The following KHDRBS2 variants were observed in gnomAD, a reference collection of about 807,000 sequenced individuals.
KHDRBS2 encodes the protein KH domain-containing, RNA-binding, signal transduction-associated protein 2.
In KHDRBS2, 26 loss-of-function variants were observed where a neutral mutation model predicts 44.3. That is an observed-to-expected ratio of 0.59 (90% CI 0.43 to 0.81). The LOEUF (loss-of-function observed/expected upper bound fraction) is 0.81. KHDRBS2 is among the 40% of genes least tolerant of loss of function. The probability of loss-of-function intolerance (pLI) is 0.00; values close to 1 mark genes in which losing one functional copy is unlikely to be tolerated. For missense variants in KHDRBS2, 476 were observed against 433.1 expected, an observed-to-expected ratio of 1.10 and a Z score of -0.88; for synonymous variants, 194 against 151.1, an observed-to-expected ratio of 1.28 and a Z score of -2.08.
In KHDRBS2 at chr6:62,066,516, G is replaced by C. The variant is rs1289068366; in HGVS notation, c.220-18522C>G. 4.0e-5 allele frequency among the ~76,000 whole-genome samples: 6 copies of C among 151,716 alleles called. No individual in the cohort carries two copies. In the East Asian group the frequency reaches 1.2e-3, roughly 30 times the overall value. On this transcript the variant is annotated intron_variant, in intron 2 of 8. Transcript: ENST00000281156. ...CATTATTGCATGAGATGAAATATTG[G>C]CTTTCTAAGTAAATGTTTTGTTTAA...
intron 6 of KHDRBS2, among the ~76,000 whole-genome samples, chr6:61,775,905 A>C (rs535623544): frequency 7.9e-5 from 12 of 152,254 alleles, no homozygotes; most frequent in Non-Finnish European, 1.8e-4. Context: ...ACAAGGCCAC[A>C]GTAACCAAAA....
chr6:62,184,924 T>C (rs528957407), intron 1 of KHDRBS2, among the ~76,000 whole-genome samples: 1 of 152,026 alleles, frequency 6.6e-6, no homozygotes, highest in South Asian at 2.1e-4. Flanking sequence ...ATAATATTAA[T>C]CCAACAGTCC....
chr6:61,865,738 T>C (rs1797687028), intron 6 of KHDRBS2, among the ~76,000 whole-genome samples: 1 of 152,156 alleles, frequency 6.6e-6, no homozygotes. Flanking sequence ...GTCCAAAGTC[T>C]CATCTGAGAC....
rs376408090 is a variant in KHDRBS2 at position 61,869,981 on chromosome 6, T to TG, written c.810+24653_810+24654insC. Among the ~76,000 whole-genome samples, 239 of 147,236 alleles carry TG rather than the reference T, an allele frequency of 1.6e-3. 2 individuals carry two copies. Among genetic ancestry groups the TG allele is most frequent in the East Asian group, 7.5e-3 (37 of 4,966 alleles). ...GCAGGAGTGTTTTTTTTTTTTTTTT[T>TG]TTTTTTCCCCATACTACAGTGGTGC... On this transcript the variant is annotated intron_variant, in intron 6 of 8. Coordinates refer to ENST00000281156, the MANE Select transcript of KHDRBS2 (RefSeq NM_152688.4).
At chr6:61,604,155 C>T in the KHDRBS2 span, among the ~76,000 whole-genome samples, 2 of 152,168 alleles carry the variant, frequency 1.3e-5, no homozygotes, top group Non-Finnish European at 2.9e-5. Context: ...CACAGCCATG[C>T]TGTTATAGGG....
At chr6:61,956,676 T>C (rs1767401978) in intron 4 of KHDRBS2, among the ~76,000 whole-genome samples, 1 of 152,104 alleles carries the variant, frequency 6.6e-6, no homozygotes, top group Non-Finnish European at 1.5e-5. Context: ...CTCCATTCTC[T>C]GCACACCCCT....
intron 4 of KHDRBS2, among the ~76,000 whole-genome samples, chr6:61,968,380 C>T (rs1770586729): frequency 6.6e-6 from 1 of 151,946 alleles, no homozygotes; most frequent in African/African-American, 2.4e-5. Flanking sequence ...ATACTCCTTG[C>T]CTATGTTTAA....
chr6:62,175,712 T>C (rs765159260), intron 2 of KHDRBS2, among the ~76,000 whole-genome samples: 10 of 151,680 alleles, frequency 6.6e-5, no homozygotes, highest in Non-Finnish European at 1.0e-4. Flanking sequence ...CATTTTCTTA[T>C]ACATTACAAA....
chr6:62,247,313 C>T (rs176607), intron 1 of KHDRBS2, among the ~76,000 whole-genome samples: 151,768 of 151,768 alleles, frequency 1, 75,884 homozygotes, highest in Non-Finnish European at 1. Flanking sequence ...CTTTTTGGTG[C>T]TAGGTTGATG....
chr6:61,550,805 G>T, the KHDRBS2 span, among the ~76,000 whole-genome samples: 1,221 of 90,394 alleles, frequency 0.014, 23 homozygotes, highest in African/African-American at 0.05. Context: ...ATGGAGTTTT[G>T]CTCTGTCACT....
intron 7 of KHDRBS2, among the ~76,000 whole-genome samples, chr6:61,729,963 A>T (rs1249860138): frequency 6.6e-6 from 1 of 152,178 alleles, no homozygotes; most frequent in Non-Finnish European, 1.5e-5. Flanking sequence ...AATACAATTG[A>T]TTAAAAAATA....
At chr6:61,722,957 C>T (rs1772924551) in intron 7 of KHDRBS2, among the ~76,000 whole-genome samples, 1 of 152,074 alleles carries the variant, frequency 6.6e-6, no homozygotes, top group Non-Finnish European at 1.5e-5. Flanking sequence ...GATCTGCTGG[C>T]CTTGGCCTCC....
At chr6:62,059,939 T>G (rs1584424233) in intron 2 of KHDRBS2, among the ~76,000 whole-genome samples, 2 of 151,834 alleles carry the variant, frequency 1.3e-5, no homozygotes, top group South Asian at 4.1e-4. Context: ...CATATGACAA[T>G]TATGTGCCTA....
the KHDRBS2 span, among the ~76,000 whole-genome samples, chr6:61,584,360 G>T: frequency 0.54 from 81,783 of 151,518 alleles, 22,598 homozygotes; most frequent in Non-Finnish European, 0.61. Context: ...TTTCATGGAT[G>T]CTCAAATAGC....
At chr6:61,552,057 A>C in the KHDRBS2 span, among the ~76,000 whole-genome samples, 1 of 151,372 alleles carries the variant, frequency 6.6e-6, no homozygotes, top group Non-Finnish European at 1.5e-5. Flanking sequence ...AGCTTTGGGC[A>C]TTTCTATATT....
intron 3 of KHDRBS2, among the ~76,000 whole-genome samples, chr6:62,037,704 T>C (rs999314200): frequency 4.6e-5 from 7 of 151,916 alleles, no homozygotes; most frequent in African/African-American, 1.7e-4. Flanking sequence ...TAAAACCCTA[T>C]AGTGATGCTA....
At chr6:61,767,867 G>T (rs1780239578) in intron 6 of KHDRBS2, among the ~76,000 whole-genome samples, 1 of 151,724 alleles carries the variant, frequency 6.6e-6, no homozygotes, top group Admixed American at 6.6e-5. Context: ...TTTTTGATAG[G>T]TTCACCTTTT....
chr6:61,844,566 C>G (rs928769393), intron 6 of KHDRBS2, among the ~76,000 whole-genome samples: 12 of 152,070 alleles, frequency 7.9e-5, no homozygotes, highest in Non-Finnish European at 1.5e-4. Flanking sequence ...TCTTATGGCT[C>G]ATGAAAAATC....
At chr6:62,225,727 T>G (rs1831672853) in intron 1 of KHDRBS2, among the ~76,000 whole-genome samples, 1 of 151,118 alleles carries the variant, frequency 6.6e-6, no homozygotes, top group Admixed American at 6.6e-5. Context: ...GTGTTTTTCC[T>G]CTCCCTTTGT....
Sources: gnomAD v4.1 joint callset for allele counts (sites outside exome capture counted in the v4.1 genomes callset) on GRCh38, gnomAD v4.1.1 for gene constraint, MANE v1.5 for transcripts, NCBI Gene and HGNC (gene_info 2026-07-23, HGNC 2026-07-21) for gene names.